YWHAZ: variants seen among roughly 807,000 people sequenced by gnomAD.
The protein encoded by YWHAZ is tyrosine 3-monooxygenase/tryptophan 5-monooxygenase activation protein zeta, also known as 14-3-3 protein zeta/delta.
For synonymous variants in YWHAZ, 87 were observed against 103.6 expected, an observed-to-expected ratio of 0.84 and a Z score of 0.97; for missense variants, 79 against 284.8, an observed-to-expected ratio of 0.28 and a Z score of 5.20.
intron 2 of YWHAZ, among the ~76,000 whole-genome samples, chr8:100,931,254 C>T (rs1813741004): frequency 6.6e-6 from 1 of 152,162 alleles, no homozygotes; most frequent in Non-Finnish European, 1.5e-5. Flanking sequence ...AATTAAGGAA[C>T]CACATAAATT....
At chr8:100,934,171 A>G (rs1228345108) in intron 2 of YWHAZ, among the ~76,000 whole-genome samples, 1 of 149,382 alleles carries the variant, frequency 6.7e-6, no homozygotes, top group African/African-American at 2.5e-5. Context: ...AAAAAAAAAA[A>G]AAAAAAAAAA....
At chr8:100,951,653 C>A (rs975363513) in intron 1 of YWHAZ, 6 of 985,256 alleles carry the variant, frequency 6.1e-6, no homozygotes, top group Non-Finnish European at 6.0e-6. Context: ...CGTGTGGGCG[C>A]CCTACCCACC....
intron 2 of YWHAZ, among the ~76,000 whole-genome samples, chr8:100,939,797 G>A (rs865798527): frequency 4.6e-5 from 7 of 152,144 alleles, no homozygotes; most frequent in African/African-American, 7.2e-5. Flanking sequence ...CGAGGCAGGC[G>A]GATCACGAGG....
intron 5 of YWHAZ, among the ~76,000 whole-genome samples, chr8:100,921,005 T>G (rs17462648): frequency 0.041 from 6,183 of 152,264 alleles, 149 homozygotes; most frequent in Non-Finnish European, 0.057. Context: ...AAGTTTTGGT[T>G]ATCCACAGAA....
At chr8:100,941,207 G>A (rs1586140036) in intron 2 of YWHAZ, among the ~76,000 whole-genome samples, 2 of 152,110 alleles carry the variant, frequency 1.3e-5, no homozygotes, top group East Asian at 3.9e-4. Context: ...ATTTTAAGTA[G>A]GTATTTTGCA....
In YWHAZ at chr8:100,919,314, G is replaced by C. The variant is rs1325904749; in HGVS notation, c.*1379C>G. On this transcript the variant is annotated 3_prime_UTR_variant, in exon 6 of 6. Transcript: ENST00000395958. The stretch of plus-strand genomic sequence containing the variant: ...ATTCTTAAAAACCAAAAAGTGATTT[G>C]GAAGCACAAAACTTACAGTTAATGC... The C allele has an allele frequency of 2.6e-5, 4 of 152,594 alleles. No homozygotes were observed. Among genetic ancestry groups the C allele is most frequent in the Non-Finnish European group, 2.9e-5 (2 of 68,034 alleles). The allele number at this position is 152,594 out of a possible 1,614,324, so 9.5% of individuals were successfully genotyped here. A position where few individuals can be genotyped will look rare whatever the true frequency, so the allele number is the denominator to read the frequency against.
chr8:100,944,807 A>T (rs1196926373), intron 2 of YWHAZ, among the ~76,000 whole-genome samples: 2 of 152,160 alleles, frequency 1.3e-5, no homozygotes, highest in African/African-American at 4.8e-5. Flanking sequence ...TGGGATGAGT[A>T]TTATTCCTAT....
chr8:100,938,723 T>C (rs1041219527), intron 2 of YWHAZ, among the ~76,000 whole-genome samples: 1 of 152,208 alleles, frequency 6.6e-6, no homozygotes, highest in Admixed American at 6.5e-5. Context: ...TGTCACACAT[T>C]AGGGGCCCAT....
chr8:100,919,074 G>A lies in YWHAZ; in HGVS notation c.*1619C>T, dbSNP rs1471848181. 6.6e-6 allele frequency: 1 copy of A among 152,208 alleles called. No homozygotes were observed. Among genetic ancestry groups the A allele is most frequent in the Non-Finnish European group, 1.5e-5 (1 of 68,026 alleles). 9.4% of individuals were successfully genotyped at this position (152,208 alleles called of 1,614,324 possible). A position where few individuals can be genotyped will look rare whatever the true frequency, so the allele number is the denominator to read the frequency against. On this transcript the variant is annotated 3_prime_UTR_variant, in exon 6 of 6. Coordinates refer to ENST00000395958, the MANE Select transcript of YWHAZ (RefSeq NM_145690.3). Reference sequence around the variant, plus strand: ...ATTTGCTGCAGTAAATAGGATGAGGGAAATAGTCTGTGGGATGCAAGCAAA... The same window carrying A: ...ATTTGCTGCAGTAAATAGGATGAGGAAAATAGTCTGTGGGATGCAAGCAAA...
intron 2 of YWHAZ, among the ~76,000 whole-genome samples, chr8:100,940,960 G>C (rs2130290487): frequency 6.6e-6 from 1 of 152,278 alleles, no homozygotes; most frequent in South Asian, 2.1e-4. Flanking sequence ...TCCAATTAAA[G>C]AAAAAGAGCC....
rs1269903506 is a variant in YWHAZ at position 100,918,263 on chromosome 8, A to T, written c.*2430T>A. 6.7e-6 allele frequency: 1 copy of T among 148,636 alleles called. No individual in the cohort carries two copies. Among genetic ancestry groups the T allele is most frequent in the Non-Finnish European group, 1.5e-5 (1 of 67,194 alleles). 9.2% of individuals were successfully genotyped at this position (148,636 alleles called of 1,614,324 possible). Reference sequence around the variant, plus strand: ...GAGGCTGAGGCAGGAGAATCGCTTGAACCCAGCAGGCGGAGGTTGCACTCA... The same window carrying T: ...GAGGCTGAGGCAGGAGAATCGCTTGTACCCAGCAGGCGGAGGTTGCACTCA... On this transcript the variant is annotated 3_prime_UTR_variant, in exon 6 of 6. Transcript: ENST00000395958.
At chr8:100,934,311 G>A (rs1287068424) in intron 2 of YWHAZ, among the ~76,000 whole-genome samples, 6 of 146,442 alleles carry the variant, frequency 4.1e-5, no homozygotes, top group African/African-American at 7.7e-5. Flanking sequence ...GGGGGACAGA[G>A]GGAGACCCTA....
Position 100,948,509 on chromosome 8 carries a change from A to G in YWHAZ, c.294+87T>C. 7.0e-7 allele frequency: 1 copy of G among 1,435,166 alleles called. No individual in the cohort carries two copies. The highest frequency in any genetic ancestry group is 2.3e-5 in the East Asian group (1 of 43,712). 88.9% of individuals were successfully genotyped at this position (1,435,166 alleles called of 1,614,324 possible). ...AACACACAATGTTTAGAAGGAAAAG[A>G]AAAACCAAACAAAAAGTTAAGAGTA... On this transcript the variant is annotated intron_variant, in intron 2 of 5. Coordinates refer to ENST00000395958, the MANE Select transcript of YWHAZ (RefSeq NM_145690.3). This position sits in a 1 kb window ranked among gnomAD's most constrained non-coding sequence, Gnocchi z 4.2.
chr8:100,951,407 G>T (rs1006921971), intron 1 of YWHAZ: 1 of 963,906 alleles, frequency 1.0e-6, no homozygotes, highest in Non-Finnish European at 1.2e-6. Context: ...TGCGCGAGGG[G>T]GAGGGAAAGG....
intron 2 of YWHAZ, among the ~76,000 whole-genome samples, chr8:100,936,223 C>A (rs1025070984): frequency 2.0e-5 from 3 of 152,082 alleles, no homozygotes; most frequent in Non-Finnish European, 4.4e-5. Context: ...GAAGAAGCAA[C>A]CTATTCAGTA....
intron 2 of YWHAZ, among the ~76,000 whole-genome samples, chr8:100,926,554 G>A (rs983098902): frequency 6.6e-6 from 1 of 152,158 alleles, no homozygotes. Context: ...GAGAGATAGA[G>A]GCTGCAGTGA....
chr8:100,947,126 C>A (rs1452431942), intron 2 of YWHAZ, among the ~76,000 whole-genome samples: 1 of 151,274 alleles, frequency 6.6e-6, no homozygotes. Flanking sequence ...CAGTGGCAGG[C>A]GCCTGTAGTC....
At position 100,924,413 on chromosome 8, in the gene YWHAZ, A is replaced by ATATT; in HGVS notation, c.419-119_419-116dup. 1 of 1,065,300 alleles carries ATATT rather than the reference A, an allele frequency of 9.4e-7. No homozygotes were observed. The highest frequency in any genetic ancestry group is 1.3e-6 in the Non-Finnish European group (1 of 761,652). 66.0% of individuals were successfully genotyped at this position (1,065,300 alleles called of 1,614,324 possible). A position where few individuals can be genotyped will look rare whatever the true frequency, so the allele number is the denominator to read the frequency against. ...TGAAATACTAACCTGTAACAGCTTA[A>ATATT]TATTTGTTAATTGAACAAGGTCCTT... On this transcript the variant is annotated intron_variant, in intron 3 of 5. Coordinates refer to ENST00000395958, the MANE Select transcript of YWHAZ (RefSeq NM_145690.3). The surrounding 1 kb of genome is among the most constrained non-coding windows in gnomAD (Gnocchi z 5.7).
rs1176535039 is a variant in YWHAZ at position 100,916,721 on chromosome 8, A to G, written c.*3972T>C. 1.3e-5 allele frequency: 2 copies of G among 152,248 alleles called. No homozygotes were observed. The highest frequency in any genetic ancestry group is 2.4e-5 in the African/African-American group (1 of 41,476). The allele number at this position is 152,248 out of a possible 1,614,324, so 9.4% of individuals were successfully genotyped here. A position where few individuals can be genotyped will look rare whatever the true frequency, so the allele number is the denominator to read the frequency against. ...GGATTGGCTAACATTATGCTTAAATATATTAACTTGTAACTGCTTCTGCAT... is the reference window on the plus strand; with the variant it reads ...GGATTGGCTAACATTATGCTTAAATGTATTAACTTGTAACTGCTTCTGCAT... On this transcript the variant is annotated 3_prime_UTR_variant, in exon 6 of 6. Transcript: ENST00000395958.
Sources: allele counts gnomAD v4.1 joint callset (sites outside exome capture counted in the v4.1 genomes callset), GRCh38; gene constraint gnomAD v4.1.1; non-coding constraint Gnocchi (gnomAD v3.1); transcripts MANE v1.5; gene names NCBI Gene and HGNC (gene_info 2026-07-23, HGNC 2026-07-21).